Variants in SLCO3A1 observed in about 807,000 individuals in gnomAD.
SLCO3A1 encodes solute carrier organic anion transporter family member 3A1.
Under a neutral mutation model 63.1 loss-of-function variants are expected in SLCO3A1, and 27 were observed. That is an observed-to-expected ratio of 0.43 (90% CI 0.32 to 0.59). SLCO3A1 has a LOEUF of 0.59. Ranked by LOEUF, SLCO3A1 falls within the 20% of genes least tolerant of loss-of-function variation. The pLI is 0.09. For synonymous variants in SLCO3A1, 473 were observed against 409.9 expected, an observed-to-expected ratio of 1.15 and a Z score of -1.86; for missense variants, 773 against 945.8, an observed-to-expected ratio of 0.82 and a Z score of 2.40.
rs1446995178 is a variant in SLCO3A1 at position 91,886,775 on chromosome 15, TTTA to T, written c.181-29217_181-29215del. 6.6e-6 allele frequency among the ~76,000 whole-genome samples: 1 copy of T among 152,220 alleles called. No homozygotes were observed. Among genetic ancestry groups the T allele is most frequent in the Non-Finnish European group, 1.5e-5 (1 of 68,042 alleles). On this transcript the variant is annotated intron_variant, in intron 1 of 9. Transcript: ENST00000318445. This position sits in a 1 kb window ranked among gnomAD's most constrained non-coding sequence, Gnocchi z 4.9. ...ATGTGATGGCCCTCTGTTGATTCTCTTTAAAAGTTGTGAATGTGAGTAATCATG... is the reference window on the plus strand; with the variant it reads ...ATGTGATGGCCCTCTGTTGATTCTCTAAAGTTGTGAATGTGAGTAATCATG...
chr15:92,004,860 A>G lies in SLCO3A1; in HGVS notation c.646+88402A>G, dbSNP rs537270051. The stretch of plus-strand genomic sequence containing the variant: ...ATCTATGGCCTGCATTTGAGCTCCT[A>G]CCTAAAGTAGTTCTGTCTGGCAGAG... On this transcript the variant is annotated intron_variant, in intron 2 of 9. Coordinates refer to ENST00000318445, the MANE Select transcript of SLCO3A1 (RefSeq NM_013272.4). 6.6e-5 allele frequency among the ~76,000 whole-genome samples: 10 copies of G among 152,296 alleles called. 1 individual carries two copies. In the South Asian group the frequency reaches 2.1e-3, roughly 32 times the overall value.
At chr15:91,976,029 T>G (rs998766690) in intron 2 of SLCO3A1, among the ~76,000 whole-genome samples, 39 of 152,154 alleles carry the variant, frequency 2.6e-4, no homozygotes, top group Admixed American at 5.9e-4. Flanking sequence ...TAGAGGTGCC[T>G]TATTATTATT....
At position 91,872,787 on chromosome 15, in the gene SLCO3A1, A is replaced by G. The variant is rs182957077; in HGVS notation, c.180+18699A>G. On this transcript the variant is annotated intron_variant, in intron 1 of 9. Transcript: ENST00000318445. The surrounding 1 kb of genome is among the most constrained non-coding windows in gnomAD (Gnocchi z 4.1). ...TAAACTGAGGGAAAAGGTAATGAACATTGAACATGACTTTACTGGGACCAG... is the reference window on the plus strand; with the variant it reads ...TAAACTGAGGGAAAAGGTAATGAACGTTGAACATGACTTTACTGGGACCAG... 1.4e-3 allele frequency among the ~76,000 whole-genome samples: 207 copies of G among 152,376 alleles called. No individual in the cohort carries two copies. In the Middle Eastern group the frequency reaches 0.02, roughly 15 times the overall value.
chr15:92,140,432 T>G (rs2048115366), intron 7 of SLCO3A1, among the ~76,000 whole-genome samples: 2 of 151,020 alleles, frequency 1.3e-5, no homozygotes, highest in South Asian at 4.2e-4. Flanking sequence ...TGTGGTGTGG[T>G]GCTGAAAAAA....
rs1468443623 is a variant in SLCO3A1 at position 92,047,464 on chromosome 15, AATATATAAAT to A, written c.647-47399_647-47390del. 9.8e-3 allele frequency among the ~76,000 whole-genome samples: 279 copies of A among 28,364 alleles called. 96 individuals carry two copies. The highest frequency in any genetic ancestry group is 0.017 in the Non-Finnish European group (252 of 14,856). The allele number at this position is 28,364 out of a possible 152,430, so 18.6% of individuals were successfully genotyped here. A position where few individuals can be genotyped will look rare whatever the true frequency, so the allele number is the denominator to read the frequency against. On this transcript the variant is annotated intron_variant, in intron 2 of 9. Transcript: ENST00000318445. The stretch of plus-strand genomic sequence containing the variant: ...AAATATATAATATATAAATATATAT[AATATATAAAT>A]ATATATAAATATATATATAAATATA...
chr15:92,162,157 T>C (rs971908022), intron 9 of SLCO3A1: 25 of 141,800 alleles, frequency 1.8e-4, no homozygotes, highest in Admixed American at 1.4e-3. Flanking sequence ...TTTTTTTTTT[T>C]TGAGATGGAG....
intron 4 of SLCO3A1, among the ~76,000 whole-genome samples, chr15:92,120,077 A>G (rs890704101): frequency 7.3e-6 from 1 of 137,000 alleles, no homozygotes; most frequent in African/African-American, 3.6e-5. Context: ...TTTTATATAA[A>G]CACACACACA....
rs1197123111 is a variant in SLCO3A1 at position 91,900,918 on chromosome 15, A to G, written c.181-15075A>G. ...TGTTTTATCAATTATTGAGAGGGAT[A>G]TTAACTTCTCCAAATATTATTGTTG... On this transcript the variant is annotated intron_variant, in intron 1 of 9. Coordinates refer to ENST00000318445, the MANE Select transcript of SLCO3A1 (RefSeq NM_013272.4). This position sits in a 1 kb window ranked among gnomAD's most constrained non-coding sequence, Gnocchi z 4.3. Among the ~76,000 whole-genome samples the G allele has an allele frequency of 1.3e-5, 2 of 152,180 alleles. No individual in the cohort carries two copies. Among genetic ancestry groups the G allele is most frequent in the African/African-American group, 4.8e-5 (2 of 41,448 alleles).
At chr15:92,070,062 G>A (rs1187572750) in intron 2 of SLCO3A1, among the ~76,000 whole-genome samples, 1 of 152,220 alleles carries the variant, frequency 6.6e-6, no homozygotes, top group Non-Finnish European at 1.5e-5. Context: ...ACTGCTTCAA[G>A]CAAGTCATTC....
intron 2 of SLCO3A1, among the ~76,000 whole-genome samples, chr15:91,947,865 G>A (rs1218982748): frequency 1.3e-5 from 2 of 152,174 alleles, no homozygotes; most frequent in Non-Finnish European, 2.9e-5. Context: ...ACACTGCAGA[G>A]TGCTGTCTTG....
intron 1 of SLCO3A1, among the ~76,000 whole-genome samples, chr15:91,876,155 T>C (rs913914655): frequency 1.3e-5 from 2 of 152,192 alleles, no homozygotes; most frequent in Non-Finnish European, 2.9e-5. Flanking sequence ...TATAAATTAA[T>C]TTTTAAAAGC....
chr15:92,109,608 C>T (rs752923695), intron 4 of SLCO3A1, among the ~76,000 whole-genome samples: 15 of 152,212 alleles, frequency 9.9e-5, no homozygotes, highest in Non-Finnish European at 1.0e-4. Flanking sequence ...AAGCTGAGCA[C>T]TCTTGTCACT....
At chr15:91,877,175 A>G (rs923958974) in intron 1 of SLCO3A1, among the ~76,000 whole-genome samples, 2 of 152,192 alleles carry the variant, frequency 1.3e-5, no homozygotes, top group African/African-American at 4.8e-5. Flanking sequence ...CTTTTCCCTT[A>G]TATTTTATGT....
chr15:92,163,644 G>A lies in SLCO3A1; in HGVS notation c.*509G>A. On this transcript the variant is annotated 3_prime_UTR_variant, in exon 10 of 10. Coordinates refer to ENST00000318445, the MANE Select transcript of SLCO3A1 (RefSeq NM_013272.4). ...CCACCCTCTTCCTCCAGGTGGGGGT[G>A]GGGGCGGGCGCACAAGTCGGAGGGG... 1 of 985,178 alleles carries A rather than the reference G, an allele frequency of 1.0e-6. No homozygotes were observed. Among genetic ancestry groups the A allele is most frequent in the Non-Finnish European group, 1.2e-6 (1 of 829,888 alleles). The allele number at this position is 985,178 out of a possible 1,614,324, so 61.0% of individuals were successfully genotyped here. A position where few individuals can be genotyped will look rare whatever the true frequency, so the allele number is the denominator to read the frequency against.
At chr15:91,899,655 T>G (rs1597102165) in intron 1 of SLCO3A1, among the ~76,000 whole-genome samples, 2 of 152,200 alleles carry the variant, frequency 1.3e-5, no homozygotes, top group East Asian at 3.8e-4. Context: ...ATGCTAAGTA[T>G]ACAAGTCAAT....
At chr15:92,001,897 G>A (rs1485044899) in intron 2 of SLCO3A1, among the ~76,000 whole-genome samples, 8 of 142,748 alleles carry the variant, frequency 5.6e-5, no homozygotes, top group East Asian at 4.2e-4. Flanking sequence ...GTGCAGTGGC[G>A]TGATCTCTGC....
intron 2 of SLCO3A1, among the ~76,000 whole-genome samples, chr15:92,069,728 A>C (rs1300851426): frequency 6.6e-6 from 1 of 152,082 alleles, no homozygotes; most frequent in Non-Finnish European, 1.5e-5. Flanking sequence ...CTCTCATCTG[A>C]ACACTCCCAT....
intron 4 of SLCO3A1, among the ~76,000 whole-genome samples, chr15:92,113,614 A>G (rs1052690086): frequency 1.3e-5 from 2 of 152,168 alleles, no homozygotes; most frequent in African/African-American, 4.8e-5. Context: ...GGGCTCCTCA[A>G]TAGCCCAGGG....
At chr15:92,095,007 T>G in intron 3 of SLCO3A1, 28 bp downstream of exon 3, 1 of 1,464,292 alleles carries the variant, frequency 6.8e-7, no homozygotes. Context: ...ATGTCTACCT[T>G]CCATCCGCAA....
Sources: allele counts gnomAD v4.1 joint callset (sites outside exome capture counted in the v4.1 genomes callset), GRCh38; gene constraint gnomAD v4.1.1; non-coding constraint Gnocchi (gnomAD v3.1); transcripts MANE v1.5; gene names NCBI Gene and HGNC (gene_info 2026-07-23, HGNC 2026-07-21).